The following EFHC2 variants were observed in gnomAD, a reference collection of about 807,000 sequenced individuals.
EFHC2 encodes EF-hand domain containing 2.
Under a neutral mutation model 52.7 loss-of-function variants are expected in EFHC2, and 18 were observed. The ratio of observed to expected loss-of-function variants is 0.34; its 90% CI spans 0.24 to 0.51. EFHC2 has a LOEUF of 0.51. EFHC2 is among the 20% of genes least tolerant of loss of function. EFHC2 has a pLI of 0.97. For missense variants in EFHC2, 513 were observed against 562.5 expected (o/e 0.91, Z 0.89); for synonymous variants, 203 against 204.1 (o/e 0.99, Z 0.04).
intron 14 of EFHC2, among the ~76,000 whole-genome samples, chrX:44,162,801 A>T (rs1271364409): frequency 9.1e-6 from 1 of 110,165 alleles, no homozygotes; most frequent in African/African-American, 3.3e-5. Flanking sequence ...CTACCACCTC[A>T]TCCCATAGAA....
intron 1 of EFHC2, among the ~76,000 whole-genome samples, chrX:44,321,718 GA>G (rs2038022311): frequency 9.0e-6 from 1 of 111,499 alleles, no homozygotes; most frequent in East Asian, 2.8e-4. Flanking sequence ...CTTGAGACTT[GA>G]CCCCCTGATT....
chrX:44,310,482 T>C, intron 2 of EFHC2: 1 of 597,889 alleles, frequency 1.7e-6, no homozygotes, highest in South Asian at 3.4e-5. Context: ...AGCATGGTGG[T>C]AGCGCGGCAA....
intron 8 of EFHC2, among the ~76,000 whole-genome samples, chrX:44,238,355 A>G (rs1315896697): frequency 9.0e-6 from 1 of 111,484 alleles, no homozygotes; most frequent in Non-Finnish European, 1.9e-5. Flanking sequence ...CTCTTGGACT[A>G]CTGCAGTAGC....
At chrX:44,213,661 T>C in intron 11 of EFHC2, among the ~76,000 whole-genome samples, 1 of 112,354 alleles carries the variant, frequency 8.9e-6, no homozygotes, top group Admixed American at 9.4e-5. Flanking sequence ...TGATAGGGTA[T>C]TGTGGAGACC....
intron 12 of EFHC2, among the ~76,000 whole-genome samples, chrX:44,177,776 T>C (rs1028773345): frequency 2.7e-5 from 3 of 111,033 alleles, no homozygotes; most frequent in South Asian, 7.6e-4. Flanking sequence ...TAAAATAATG[T>C]AAAAAGACGA....
At chrX:44,276,907 G>A (rs1457651285) in intron 2 of EFHC2, among the ~76,000 whole-genome samples, 1 of 111,774 alleles carries the variant, frequency 8.9e-6, no homozygotes, top group Non-Finnish European at 1.9e-5. Flanking sequence ...GGAGGCTGAT[G>A]TGGCCAATAC....
intron 11 of EFHC2, among the ~76,000 whole-genome samples, chrX:44,215,360 A>G (rs761014447): frequency 7.4e-4 from 83 of 111,431 alleles, no homozygotes; most frequent in Middle Eastern, 4.6e-3. Context: ...ATGCCACTCA[A>G]TAGCACCAAA....
chrX:44,298,039 T>A (rs1350889565), intron 2 of EFHC2, among the ~76,000 whole-genome samples: 2 of 102,084 alleles, frequency 2.0e-5, no homozygotes, highest in African/African-American at 3.5e-5. Flanking sequence ...AGAGATGGAA[T>A]AAAAGAAAAG....
chrX:44,181,881 T>G (rs1411887066), intron 11 of EFHC2, among the ~76,000 whole-genome samples: 2 of 112,878 alleles, frequency 1.8e-5, no homozygotes, highest in African/African-American at 6.4e-5. Flanking sequence ...CCTGTTAAAC[T>G]TTAGTAGGAT....
chrX:44,244,669 T>C (rs1010834904), intron 7 of EFHC2, among the ~76,000 whole-genome samples: 2 of 111,907 alleles, frequency 1.8e-5, no homozygotes, highest in Non-Finnish European at 3.8e-5. Context: ...TTCTTCGTGG[T>C]GATTTTCTAT....
intron 11 of EFHC2, among the ~76,000 whole-genome samples, chrX:44,194,683 C>T (rs1025820971): frequency 8.1e-5 from 9 of 111,486 alleles, no homozygotes; most frequent in South Asian, 7.5e-4. Context: ...AAAATGAGCA[C>T]GAATTAATTA....
At chrX:44,251,397 T>C (rs1337472354) in intron 4 of EFHC2, among the ~76,000 whole-genome samples, 2 of 103,772 alleles carry the variant, frequency 1.9e-5, no homozygotes, top group African/African-American at 7.0e-5. Flanking sequence ...GTCGATCACT[T>C]GAGGCCAGGA....
chrX:44,290,103 G>A (rs1020188854), intron 2 of EFHC2, among the ~76,000 whole-genome samples: 2 of 112,196 alleles, frequency 1.8e-5, no homozygotes, highest in African/African-American at 6.5e-5. Flanking sequence ...TTGTCTGCAT[G>A]TTAGAGCTCA....
At chrX:44,303,710 CAT>C (rs1343920888) in intron 2 of EFHC2, among the ~76,000 whole-genome samples, 1 of 109,454 alleles carries the variant, frequency 9.1e-6, no homozygotes, top group African/African-American at 3.3e-5. Flanking sequence ...TTGTTCAAAT[CAT>C]AGAGTCACAC....
intron 2 of EFHC2, among the ~76,000 whole-genome samples, chrX:44,307,257 T>G (rs1205288153): frequency 8.9e-6 from 1 of 112,000 alleles, no homozygotes; most frequent in African/African-American, 3.2e-5. Context: ...AGAACTGTCT[T>G]TATTTTTACT....
chrX:44,278,857 C>T (rs1330559534), intron 2 of EFHC2, among the ~76,000 whole-genome samples: 3 of 112,148 alleles, frequency 2.7e-5, no homozygotes, highest in Admixed American at 9.5e-5. Flanking sequence ...TTTCTGAAGG[C>T]TCCATGTCTC....
chrX:44,204,971 G>A (rs2037036290), intron 11 of EFHC2, among the ~76,000 whole-genome samples: 2 of 111,487 alleles, frequency 1.8e-5, no homozygotes. Context: ...AATTTTAAAA[G>A]CAGCTAGAGA....
Position 44,250,202 on chromosome X carries a change from G to A in EFHC2, c.850C>T (p.Leu284=), listed in dbSNP as rs746308261. 2.3e-5 allele frequency: 28 copies of A among 1,208,422 alleles called. No individual in the cohort carries two copies. Among genetic ancestry groups the A allele is most frequent in the Non-Finnish European group, 3.0e-5 (27 of 894,172 alleles). The change falls in exon 5 of 15, where the codon CTA becomes TTA. Residue 284 remains leucine, a synonymous_variant. Transcript: ENST00000420999. ...TTATATCCACTGCTCACCTTGGGTA[G>A]CTTACTCCTCCGGAGGAACATTTTT... The part of the protein sequence containing the change: ...ALKMFLRRSK[L]PKNCPPRVYQ...
At chrX:44,323,244 A>G (rs1275588309) in intron 1 of EFHC2, among the ~76,000 whole-genome samples, 1 of 112,433 alleles carries the variant, frequency 8.9e-6, no homozygotes, top group African/African-American at 3.2e-5. Flanking sequence ...TAAATGCTGA[A>G]TAAGAAACAT....
Sources: gnomAD v4.1 joint callset for allele counts (sites outside exome capture counted in the v4.1 genomes callset) on GRCh38, gnomAD v4.1.1 for gene constraint, MANE v1.5 for transcripts, NCBI Gene and HGNC (gene_info 2026-07-23, HGNC 2026-07-21) for gene names.